The following OLFM2 variants were observed in gnomAD, a reference collection of about 807,000 sequenced individuals.
OLFM2 encodes the protein noelin-2.
OLFM2 carries 20 observed loss-of-function variants against 43.9 expected under a neutral mutation model. That is an observed-to-expected ratio of 0.46 (90% CI 0.32 to 0.66). OLFM2 has a LOEUF of 0.66. OLFM2 is among the 30% of genes least tolerant of loss of function. OLFM2 has a pLI of 0.04. For missense variants in OLFM2, 416 were observed against 643.6 expected (o/e 0.65, Z 3.83); for synonymous variants, 268 against 278.6 (o/e 0.96, Z 0.38).
rs748692759 is a variant in OLFM2 at position 9,854,597 on chromosome 19, G to A, written c.954C>T (p.Gly318=). ...GYNNTFPYSW[G]GFSDMDFMVD... ...CCATGAAGTCCATGTCGGAGAAGCC[G>A]CCCCAGGAGTAGGGGAAGGTGTTGT... The change falls in exon 6 of 6, where the codon GGC becomes GGT. Residue 318 remains glycine, a synonymous_variant. Coordinates refer to ENST00000264833, the MANE Select transcript of OLFM2 (RefSeq NM_058164.4). This position sits in a 1 kb window ranked among gnomAD's most constrained non-coding sequence, Gnocchi z 9.5. 12 of 1,613,946 alleles carry A rather than the reference G, an allele frequency of 7.4e-6. No individual in the cohort carries two copies. Among genetic ancestry groups the A allele is most frequent in the Admixed American group, 3.3e-5 (2 of 59,998 alleles).
intron 1 of OLFM2, among the ~76,000 whole-genome samples, chr19:9,866,625 G>A (rs1411589867): frequency 6.7e-6 from 1 of 149,194 alleles, no homozygotes; most frequent in Non-Finnish European, 1.5e-5. Flanking sequence ...TCAGCCTCCC[G>A]AGCAGCTGGG....
At chr19:9,893,564 TC>T (rs1480510288) in intron 1 of OLFM2, among the ~76,000 whole-genome samples, 1 of 152,134 alleles carries the variant, frequency 6.6e-6, no homozygotes, top group Non-Finnish European at 1.5e-5. Context: ...CTGGTCTATC[TC>T]AGTACCTGGG....
chr19:9,913,781 T>G, intron 1 of OLFM2: 6 of 469,394 alleles, frequency 1.3e-5, no homozygotes, highest in Non-Finnish European at 1.7e-5. Context: ...GAGGGGGGGC[T>G]CGGGGACGCG....
At chr19:9,859,839 C>T (rs2046353428) in intron 2 of OLFM2, among the ~76,000 whole-genome samples, 2 of 152,156 alleles carry the variant, frequency 1.3e-5, no homozygotes, top group Non-Finnish European at 2.9e-5. Context: ...CTTGGCTTCT[C>T]TCCCAAAAAA....
rs35308457 is a variant in OLFM2, at chr19:9,922,273, T to TAC, written c.63+14029_63+14030dup. 1.0e-3 allele frequency among the ~76,000 whole-genome samples: 152 copies of TAC among 150,234 alleles called. 2 individuals carry two copies. Among genetic ancestry groups the TAC allele is most frequent in the Middle Eastern group, 3.4e-3 (1 of 292 alleles). The stretch of plus-strand genomic sequence containing the variant: ...AATATGTATCTATGTAAAATCTAGA[T>TAC]ACACACACACACACACACACATTCC... On this transcript the variant is annotated intron_variant, in intron 1 of 5. Coordinates refer to ENST00000264833, the MANE Select transcript of OLFM2 (RefSeq NM_058164.4).
chr19:9,858,201 AC>A (rs1437193101), intron 2 of OLFM2: 5 of 385,908 alleles, frequency 1.3e-5, no homozygotes, highest in Non-Finnish European at 2.5e-5. Flanking sequence ...TTCCTCCTCC[AC>A]AGATCCTGTG....
At chr19:9,872,103 G>C (rs890539558) in intron 1 of OLFM2, among the ~76,000 whole-genome samples, 7 of 152,182 alleles carry the variant, frequency 4.6e-5, no homozygotes, top group Non-Finnish European at 8.8e-5. Flanking sequence ...TGCTATGTCT[G>C]AGCCGTGACA....
intron 1 of OLFM2, among the ~76,000 whole-genome samples, chr19:9,906,001 T>C (rs996884135): frequency 3.9e-5 from 6 of 152,138 alleles, no homozygotes; most frequent in African/African-American, 1.4e-4. Context: ...ACACAACTGA[T>C]GGCCATCAGA....
At chr19:9,883,945 C>T (rs1306942465) in intron 1 of OLFM2, among the ~76,000 whole-genome samples, 4 of 152,098 alleles carry the variant, frequency 2.6e-5, no homozygotes, top group Non-Finnish European at 5.9e-5. Context: ...GGAGGTTGAA[C>T]GAATGCCTGC....
chr19:9,936,215 G>A (rs1404630645), intron 1 of OLFM2, 89 bp downstream of exon 1: 36 of 1,404,350 alleles, frequency 2.6e-5, no homozygotes, highest in Non-Finnish European at 3.5e-5. Context: ...GGCTTGTGGA[G>A]CCTCCCAACC....
rs746073634 is a variant in OLFM2, at chr19:9,857,974, G to T, written c.214-113C>A. 1.5e-4 allele frequency: 197 copies of T among 1,343,000 alleles called. No individual in the cohort carries two copies. The highest frequency in any genetic ancestry group is 1.9e-4 in the Non-Finnish European group (181 of 952,274). 83.2% of individuals were successfully genotyped at this position (1,343,000 alleles called of 1,614,324 possible). A position where few individuals can be genotyped will look rare whatever the true frequency, so the allele number is the denominator to read the frequency against. ...GGCTGTACAAACACCACACCGACGA[G>T]GCCACCTTCTCCTCCCCTGAGCTTA... On this transcript the variant is annotated intron_variant, in intron 2 of 5. Coordinates refer to ENST00000264833, the MANE Select transcript of OLFM2 (RefSeq NM_058164.4). The surrounding 1 kb of genome is among the most constrained non-coding windows in gnomAD (Gnocchi z 5.7).
intron 1 of OLFM2, among the ~76,000 whole-genome samples, chr19:9,883,723 G>A (rs143307242): frequency 6.6e-6 from 1 of 152,136 alleles, no homozygotes; most frequent in African/African-American, 2.4e-5. Context: ...ATGCACCAAA[G>A]AGCAGCATCC....
chr19:9,906,154 C>T (rs562695068), intron 1 of OLFM2, among the ~76,000 whole-genome samples: 6 of 152,254 alleles, frequency 3.9e-5, no homozygotes, highest in East Asian at 1.9e-4. Flanking sequence ...ACAGTCTACA[C>T]GCCCATGGCC....
intron 1 of OLFM2, among the ~76,000 whole-genome samples, chr19:9,879,965 C>T (rs1179362688): frequency 6.6e-6 from 1 of 151,962 alleles, no homozygotes; most frequent in African/African-American, 2.4e-5. Flanking sequence ...TTAGTAGAGA[C>T]AAGGTTTCAT....
In OLFM2 at chr19:9,871,822, A is replaced by T. The variant is rs536249882; in HGVS notation, c.64-11028T>A. Among the ~76,000 whole-genome samples the T allele has an allele frequency of 3.3e-5, 5 of 152,324 alleles. No homozygotes were observed. In the South Asian group the frequency reaches 1.0e-3, roughly 32 times the overall value. ...GGGAGTTTTGTTTGCTGTGCAAACA[A>T]TTCATCCGTGATCCTCAGAACCTGG... On this transcript the variant is annotated intron_variant, in intron 1 of 5. Transcript: ENST00000264833.
In OLFM2 at chr19:9,854,196, C is replaced by T. The variant is rs1180573469; in HGVS notation, c.1355G>A (p.Gly452Glu). The change falls in exon 6 of 6, where the codon GGG (glycine) becomes GAG (glutamate). Residue 452 changes from glycine to glutamate, a missense_variant. Transcript: ENST00000264833. This position sits in a 1 kb window ranked among gnomAD's most constrained non-coding sequence, Gnocchi z 9.5. ...VTLFHVISTS[G>E]DP is the part of the protein sequence containing the mutation. ...AGCCACAGCATTGGCTCAGGGGTCC[C>T]CAGAGGTGCTGATGACGTGAAACAG... 2 of 1,614,090 alleles carry T rather than the reference C, an allele frequency of 1.2e-6. No individual in the cohort carries two copies. The highest frequency in any genetic ancestry group is 1.7e-6 in the Non-Finnish European group (2 of 1,180,016).
At chr19:9,889,476 C>T (rs2046619369) in intron 1 of OLFM2, among the ~76,000 whole-genome samples, 1 of 152,116 alleles carries the variant, frequency 6.6e-6, no homozygotes, top group South Asian at 2.1e-4. Context: ...TCTCAAACTC[C>T]TGGGCTCAAG....
intron 1 of OLFM2, among the ~76,000 whole-genome samples, chr19:9,895,557 A>G (rs1293454333): frequency 6.6e-6 from 1 of 152,106 alleles, no homozygotes. Context: ...AATAAAGTCT[A>G]TTCGGTCTAC....
chr19:9,888,004 T>C (rs1370279319), intron 1 of OLFM2, among the ~76,000 whole-genome samples: 1 of 151,580 alleles, frequency 6.6e-6, no homozygotes, highest in Non-Finnish European at 1.5e-5. Context: ...TGTCTCAAAG[T>C]AGAGTTCTCC....
Sources: allele counts gnomAD v4.1 joint callset (sites outside exome capture counted in the v4.1 genomes callset), GRCh38; gene constraint gnomAD v4.1.1; non-coding constraint Gnocchi (gnomAD v3.1); transcripts MANE v1.5; gene names NCBI Gene and HGNC (gene_info 2026-07-23, HGNC 2026-07-21).